The following TERT variants were observed in gnomAD, a reference collection of about 807,000 sequenced individuals.
The protein encoded by TERT is telomerase catalytic subunit.
Under a neutral mutation model 104.0 loss-of-function variants are expected in TERT, and 42 were observed. The ratio of observed to expected loss-of-function variants is 0.40; its 90% CI spans 0.32 to 0.52. TERT has a LOEUF of 0.52. Ranked by LOEUF, TERT falls within the 20% of genes least tolerant of loss-of-function variation. TERT has a pLI of 0.43. For missense variants in TERT, 1,101 were observed against 1,610.3 expected (o/e 0.68, Z 5.41); for synonymous variants, 781 against 725.6 (o/e 1.08, Z -1.23).
In TERT at chr5:1,270,056, A is replaced by G. The variant is rs1257009700; in HGVS notation, c.2468+1063T>C. ...GAGGCCCGTGGTGGCTTCTCTGGGG[A>G]GGTGACTTTGTCAGCGAATTCTGTG... On this transcript the variant is annotated intron_variant, in intron 8 of 15. Transcript: ENST00000310581. The surrounding 1 kb of genome is among the most constrained non-coding windows in gnomAD (Gnocchi z 8.3). 6.6e-6 allele frequency among the ~76,000 whole-genome samples: 1 copy of G among 152,082 alleles called. No individual in the cohort carries two copies. Among genetic ancestry groups the G allele is most frequent in the Non-Finnish European group, 1.5e-5 (1 of 68,000 alleles).
intron 3 of TERT, among the ~76,000 whole-genome samples, chr5:1,282,092 A>C (rs1295653169): frequency 6.7e-6 from 1 of 150,034 alleles, no homozygotes; most frequent in Non-Finnish European, 1.5e-5. Flanking sequence ...CATCTCAAAA[A>C]AGAAAAAAAA....
In TERT at chr5:1,286,634, G is replaced by A. The variant is rs758141526; in HGVS notation, c.1574-4010C>T. On this transcript the variant is annotated intron_variant, in intron 2 of 15. Transcript: ENST00000310581. This position sits in a 1 kb window ranked among gnomAD's most constrained non-coding sequence, Gnocchi z 5.3. ...GGCTTGCACCTGTAATCCCAGCACT[G>A]TGGGAGGCCAAGGCGGGCAGATCAC... is the stretch of plus-strand genomic sequence containing the variant. Among the ~76,000 whole-genome samples, 5 of 152,246 alleles carry A rather than the reference G, an allele frequency of 3.3e-5. No homozygotes were observed.
intron 13 of TERT, among the ~76,000 whole-genome samples, chr5:1,258,388 C>A (rs1747902774): frequency 6.6e-6 from 1 of 152,388 alleles, no homozygotes; most frequent in East Asian, 1.9e-4. Flanking sequence ...TGGGGCCACA[C>A]CGGCTCCTAC....
chr5:1,281,350 C>T (rs555633150), intron 3 of TERT, among the ~76,000 whole-genome samples: 1 of 152,230 alleles, frequency 6.6e-6, no homozygotes, highest in African/African-American at 2.4e-5. Flanking sequence ...GGTCTGCTGC[C>T]AGCTCCCTCT....
In TERT at chr5:1,272,168, C is replaced by G; in HGVS notation, c.2382+17G>C. 1 of 1,596,744 alleles carries G rather than the reference C, an allele frequency of 6.3e-7. No individual in the cohort carries two copies. The highest frequency in any genetic ancestry group is 1.1e-5 in the South Asian group (1 of 88,154). On this transcript the variant is annotated intron_variant, in intron 7 of 15. Transcript: ENST00000310581. ...TGCTGGGAGTCCGTGCCCAACCCTG[C>G]AGGGCAGTGCCCAGACCTGCTCGAT... is the stretch of plus-strand genomic sequence containing the variant.
rs34044586 is a variant in TERT, at chr5:1,256,909, C to T, written c.3033-1498G>A. 0.041 allele frequency among the ~76,000 whole-genome samples: 6,210 copies of T among 152,126 alleles called. 450 individuals carry two copies. Among genetic ancestry groups the T allele is most frequent in the African/African-American group, 0.14 (5,946 of 41,476 alleles). ...CGCGGCCAGCACGGGCCAGGAAGGC[C>T]GAGCCCCAGCGGATTTGAATCAGAC... On this transcript the variant is annotated intron_variant, in intron 13 of 15. Transcript: ENST00000310581. This position sits in a 1 kb window ranked among gnomAD's most constrained non-coding sequence, Gnocchi z 7.0.
rs1226945995 is a variant in TERT at position 1,274,797 on chromosome 5, G to A, written c.2287-2517C>T. On this transcript the variant is annotated intron_variant, in intron 6 of 15. Coordinates refer to ENST00000310581, the MANE Select transcript of TERT (RefSeq NM_198253.3). This position sits in a 1 kb window ranked among gnomAD's most constrained non-coding sequence, Gnocchi z 5.3. ...TAGAGGGAAAACGGCAACTTCAGATGCTTGTTTAGAAAAGAAAGTTCAAAC... is the reference window on the plus strand; with the variant it reads ...TAGAGGGAAAACGGCAACTTCAGATACTTGTTTAGAAAAGAAAGTTCAAAC... 1.3e-5 allele frequency among the ~76,000 whole-genome samples: 2 copies of A among 152,212 alleles called. No homozygotes were observed. Among genetic ancestry groups the A allele is most frequent in the African/African-American group, 4.8e-5 (2 of 41,450 alleles).
chr5:1,279,599 C>A, intron 4 of TERT, 129 bp from the exon 5 acceptor site: 1 of 911,750 alleles, frequency 1.1e-6, no homozygotes, highest in Admixed American at 2.0e-5. Flanking sequence ...GACCTAGAAC[C>A]CCTCCCAGCT....
intron 7 of TERT, among the ~76,000 whole-genome samples, chr5:1,271,870 G>T (rs1022201811): frequency 1.3e-5 from 2 of 152,226 alleles, no homozygotes; most frequent in African/African-American, 4.8e-5. Context: ...AAAGGAGGGG[G>T]ACACCTTTCC....
Position 1,256,670 on chromosome 5 carries a change from C to T in TERT, c.3033-1259G>A, listed in dbSNP as rs1166819340. Among the ~76,000 whole-genome samples, 1 of 152,234 alleles carries T rather than the reference C, an allele frequency of 6.6e-6. No individual in the cohort carries two copies. The highest frequency in any genetic ancestry group is 6.5e-5 in the Admixed American group (1 of 15,284). The stretch of plus-strand genomic sequence containing the variant: ...CGGTTTCAGCCTCTCAGTAACTCTG[C>T]TGAGGTGGGATGTCTTTTCCCCATT... On this transcript the variant is annotated intron_variant, in intron 13 of 15. Coordinates refer to ENST00000310581, the MANE Select transcript of TERT (RefSeq NM_198253.3). The surrounding 1 kb of genome is among the most constrained non-coding windows in gnomAD (Gnocchi z 7.0).
chr5:1,257,441 G>C lies in TERT; in HGVS notation c.3032+1157C>G, dbSNP rs1046393341. On this transcript the variant is annotated intron_variant, in intron 13 of 15. Coordinates refer to ENST00000310581, the MANE Select transcript of TERT (RefSeq NM_198253.3). This position sits in a 1 kb window ranked among gnomAD's most constrained non-coding sequence, Gnocchi z 5.6. ...GGCACCTGTATCCAGCACACCCCAA[G>C]GGTTTCCGGAAAGGAGTCAAGCAGC... Among the ~76,000 whole-genome samples, 4 of 152,180 alleles carry C rather than the reference G, an allele frequency of 2.6e-5. No individual in the cohort carries two copies. Among genetic ancestry groups the C allele is most frequent in the Admixed American group, 2.6e-4 (4 of 15,284 alleles).
intron 2 of TERT, among the ~76,000 whole-genome samples, chr5:1,289,699 G>A (rs1419143870): frequency 9.2e-6 from 1 of 108,614 alleles, no homozygotes; most frequent in Non-Finnish European, 1.9e-5. Flanking sequence ...GCACGTGACA[G>A]GGACACCCGG....
intron 3 of TERT, 84 bp downstream of exon 3, chr5:1,282,345 G>A: frequency 6.9e-7 from 1 of 1,446,806 alleles, no homozygotes; most frequent in East Asian, 2.3e-5. Flanking sequence ...GGGAAGCACA[G>A]GCAAGTGGAG....
Position 1,278,664 on chromosome 5 carries a change from C to T in TERT, c.2263G>A (p.Val755Ile), listed in dbSNP as rs576633619. Residue 755 changes from valine to isoleucine, a missense_variant, in exon 6 of 16, where the codon GTC becomes ATC. Around this residue, in one of 5 missense-constraint regions of TERT, gnomAD observed 463 missense variants for 797.5 expected, o/e 0.58. Transcript: ENST00000310581. ...AVVQKAAHGHVRKAFKSHVST... is the reference protein window; with the variant it reads ...AVVQKAAHGHIRKAFKSHVST... ...ACGTGGCTCTTGAAGGCCTTGCGGA[C>T]GTGCCCATGGGCGGCCTTCTGGACC... The T allele has an allele frequency of 3.2e-5, 51 of 1,614,164 alleles. 1 individual carries two copies. In the South Asian group the frequency reaches 3.2e-4, roughly 10 times the overall value.
In TERT at chr5:1,256,533, C is replaced by A. The variant is rs930140687; in HGVS notation, c.3033-1122G>T. On this transcript the variant is annotated intron_variant, in intron 13 of 15. Transcript: ENST00000310581. This position sits in a 1 kb window ranked among gnomAD's most constrained non-coding sequence, Gnocchi z 7.0. ...ACCTGGCCTCACCCACTGCCTGAGC[C>A]CCCCGTGTACCTCATCTCACCCACT... Among the ~76,000 whole-genome samples, 28 of 150,686 alleles carry A rather than the reference C, an allele frequency of 1.9e-4. No individual in the cohort carries two copies. Among genetic ancestry groups the A allele is most frequent in the African/African-American group, 6.9e-4 (28 of 40,854 alleles).
chr5:1,290,964 ACCCGGGGACGGCG>A (rs1750878527), intron 2 of TERT, among the ~76,000 whole-genome samples: 1 of 144,626 alleles, frequency 6.9e-6, no homozygotes, highest in Non-Finnish European at 1.5e-5. Flanking sequence ...TGACAGGGAC[ACCCGGGGACGGCG>A]CCTCACTCAC....
At position 1,274,871 on chromosome 5, in the gene TERT, A is replaced by G. The variant is rs1032399950; in HGVS notation, c.2287-2591T>C. 6.6e-6 allele frequency among the ~76,000 whole-genome samples: 1 copy of G among 152,232 alleles called. No individual in the cohort carries two copies. Among genetic ancestry groups the G allele is most frequent in the Non-Finnish European group, 1.5e-5 (1 of 68,054 alleles). ...CAAGGAGCCGGAAAAACAACAATAAACAAAGCCTAAAGGAAATGGAAGGAG... is the reference window on the plus strand; with the variant it reads ...CAAGGAGCCGGAAAAACAACAATAAGCAAAGCCTAAAGGAAATGGAAGGAG... On this transcript the variant is annotated intron_variant, in intron 6 of 15. Transcript: ENST00000310581. The surrounding 1 kb of genome is among the most constrained non-coding windows in gnomAD (Gnocchi z 5.3).
chr5:1,254,803 A>G (rs935366869), intron 14 of TERT, among the ~76,000 whole-genome samples: 3 of 152,210 alleles, frequency 2.0e-5, no homozygotes, highest in Non-Finnish European at 1.5e-5. Context: ...CCAGGGGCAG[A>G]GGACGGTGAC....
Position 1,269,901 on chromosome 5 carries a change from A to G in TERT, c.2468+1218T>C, listed in dbSNP as rs1259133619. ...TCGGGCCTGTCCGTGTCCTAGGGAC[A>G]GGACAGACACAGTCACCTCCTGTCT... On this transcript the variant is annotated intron_variant, in intron 8 of 15. Coordinates refer to ENST00000310581, the MANE Select transcript of TERT (RefSeq NM_198253.3). The surrounding 1 kb of genome is among the most constrained non-coding windows in gnomAD (Gnocchi z 9.0). Among the ~76,000 whole-genome samples, 2 of 152,204 alleles carry G rather than the reference A, an allele frequency of 1.3e-5. No homozygotes were observed. The highest frequency in any genetic ancestry group is 4.8e-5 in the African/African-American group (2 of 41,456).
Sources: allele counts gnomAD v4.1 joint callset (sites outside exome capture counted in the v4.1 genomes callset), GRCh38; gene constraint gnomAD v4.1.1; regional missense constraint gnomAD v4.1.1; non-coding constraint Gnocchi (gnomAD v3.1); transcripts MANE v1.5; gene names NCBI Gene and HGNC (gene_info 2026-07-23, HGNC 2026-07-21).